ZNF738: variants seen among roughly 807,000 people sequenced by gnomAD.
ZNF738 encodes zinc finger protein 738.
Under a neutral mutation model 9.2 loss-of-function variants are expected in ZNF738, and 10 were observed. The observed-to-expected ratio is 1.09, with a 90% confidence interval of 0.67 to 1.85. ZNF738 has a LOEUF of 1.85. Among genes scored for constraint, ZNF738 ranks in the 40% most tolerant of loss-of-function variants. The pLI, the probability that ZNF738 is intolerant of heterozygous loss-of-function variation, is 0.00. For missense variants in ZNF738, 346 were observed against 283.6 expected (o/e 1.22, Z -1.58); for synonymous variants, 113 against 94.5 (o/e 1.20, Z -1.14).
chr19:21,373,413 A>C (rs1973881729), intron 2 of ZNF738, among the ~76,000 whole-genome samples: 1 of 152,204 alleles, frequency 6.6e-6, no homozygotes, highest in African/African-American at 2.4e-5. Flanking sequence ...TTGCACTAAA[A>C]GGTAGTCACA....
In ZNF738 at chr19:21,385,177, C is replaced by T. The variant is rs941484394; in HGVS notation, c.*1503C>T. Among the ~76,000 whole-genome samples, 4 of 152,150 alleles carry T rather than the reference C, an allele frequency of 2.6e-5. No individual in the cohort carries two copies. Among genetic ancestry groups the T allele is most frequent in the Non-Finnish European group, 4.4e-5 (3 of 68,034 alleles). On this transcript the variant is annotated 3_prime_UTR_variant, in exon 5 of 5. Coordinates refer to ENST00000683779, the MANE Select transcript of ZNF738 (RefSeq NM_001355237.2). ...CCTTACTAAAGATAAAAGAGTTTGA[C>T]TGGGTGCGGTGGCTCATGCCTGTAA...
At chr19:21,366,046 C>T (rs1486407361) in intron 2 of ZNF738, among the ~76,000 whole-genome samples, 2 of 152,124 alleles carry the variant, frequency 1.3e-5, no homozygotes, top group African/African-American at 4.8e-5. Flanking sequence ...CAAGTTCAGG[C>T]AGCCGCTTCT....
In ZNF738 at chr19:21,359,350, C is replaced by T. The variant is rs147789507; in HGVS notation, c.3+207C>T. On this transcript the variant is annotated intron_variant, in intron 1 of 4. Transcript: ENST00000683779. ...GGCCCCCGGGCGTCCTGTCTCTTCC[C>T]TGCATAGTGACTGTGCCCTTGCCTG... 5.9e-5 allele frequency among the ~76,000 whole-genome samples: 9 copies of T among 152,348 alleles called. No homozygotes were observed. The East Asian group carries it at 1.6e-3, about 26-fold the overall frequency.
At chr19:21,374,166 G>T (rs1455695302) in intron 2 of ZNF738, among the ~76,000 whole-genome samples, 1 of 152,128 alleles carries the variant, frequency 6.6e-6, no homozygotes, top group African/African-American at 2.4e-5. Flanking sequence ...GGTTTCATAT[G>T]TGTTCTTCAT....
Position 21,384,497 on chromosome 19 carries a change from C to T in ZNF738, c.*823C>T, listed in dbSNP as rs910273480. Among the ~76,000 whole-genome samples the T allele has an allele frequency of 2.0e-5, 3 of 152,070 alleles. No individual in the cohort carries two copies. The highest frequency in any genetic ancestry group is 4.4e-5 in the Non-Finnish European group (3 of 68,014). ...AGATGATTCATACTGGAGAGAGACC[C>T]TACAAACATGAAGAAAGTGGCAAAG... is the stretch of plus-strand genomic sequence containing the variant. On this transcript the variant is annotated 3_prime_UTR_variant, in exon 5 of 5. Transcript: ENST00000683779.
At chr19:21,375,992 CAT>C in intron 4 of ZNF738, 28 bp downstream of exon 4, 1 of 697,910 alleles carries the variant, frequency 1.4e-6, no homozygotes, top group Non-Finnish European at 2.6e-6. Context: ...AAACAGTTGA[CAT>C]AGATGAAAGG....
chr19:21,359,704 C>A (rs375473660), intron 1 of ZNF738, among the ~76,000 whole-genome samples: 83 of 152,130 alleles, frequency 5.5e-4, no homozygotes, highest in African/African-American at 1.9e-3. Flanking sequence ...GGTGAAACCC[C>A]GTCTCTACTA....
chr19:21,375,752 G>A (rs1407932483), intron 3 of ZNF738, 117 bp from the exon 4 acceptor site: 1 of 508,956 alleles, frequency 2.0e-6, no homozygotes, highest in South Asian at 3.1e-5. Flanking sequence ...TCATTAAATA[G>A]TATTTTGGGA....
chr19:21,367,576 C>T lies in ZNF738; in HGVS notation c.96+5718C>T, dbSNP rs111948895. On this transcript the variant is annotated intron_variant, in intron 2 of 4. Coordinates refer to ENST00000683779, the MANE Select transcript of ZNF738 (RefSeq NM_001355237.2). ...GGTGCCAGAAGAAAGATATCACAGA[C>T]GCCTGGCCTGCAGTGGAACTCCAGG... 5.6e-3 allele frequency among the ~76,000 whole-genome samples: 847 copies of T among 152,256 alleles called. 9 individuals carry two copies. Among genetic ancestry groups the T allele is most frequent in the African/African-American group, 0.019 (792 of 41,544 alleles).
At chr19:21,374,901 A>G (rs139347807) in intron 2 of ZNF738, among the ~76,000 whole-genome samples, 7 of 152,298 alleles carry the variant, frequency 4.6e-5, no homozygotes, top group African/African-American at 7.2e-5. Flanking sequence ...CTAACTCAAC[A>G]TGTCATTTTT....
rs1193480128 is a variant in ZNF738 at position 21,385,762 on chromosome 19, C to A, written c.*2088C>A. On this transcript the variant is annotated 3_prime_UTR_variant, in exon 5 of 5. Coordinates refer to ENST00000683779, the MANE Select transcript of ZNF738 (RefSeq NM_001355237.2). ...TAAGGTAATTCATGCTGGAGAGATACCCTACAAATGTGAAGAATGTGGCAA... is the reference window on the plus strand; with the variant it reads ...TAAGGTAATTCATGCTGGAGAGATAACCTACAAATGTGAAGAATGTGGCAA... 2.0e-5 allele frequency among the ~76,000 whole-genome samples: 3 copies of A among 152,042 alleles called. No individual in the cohort carries two copies. Among genetic ancestry groups the A allele is most frequent in the Non-Finnish European group, 4.4e-5 (3 of 67,998 alleles).
rs569044915 is a variant in ZNF738 at position 21,373,766 on chromosome 19, A to G, written c.97-1472A>G. Among the ~76,000 whole-genome samples the G allele has an allele frequency of 5.5e-5, 8 of 144,336 alleles. No individual in the cohort carries two copies. In the South Asian group the frequency reaches 1.6e-3, roughly 29 times the overall value. 94.7% of individuals were successfully genotyped at this position (144,336 alleles called of 152,430 possible). A position where few individuals can be genotyped will look rare whatever the true frequency, so the allele number is the denominator to read the frequency against. On this transcript the variant is annotated intron_variant, in intron 2 of 4. Transcript: ENST00000683779. ...AAAGCATTTCCAAAGAAGACAAAAGAGGAAAAATGGCTTTTTTTTTTTTTT... is the reference window on the plus strand; with the variant it reads ...AAAGCATTTCCAAAGAAGACAAAAGGGGAAAAATGGCTTTTTTTTTTTTTT...
Position 21,383,090 on chromosome 19 carries a change from G to A in ZNF738, c.544G>A (p.Val182Met). The A allele has an allele frequency of 7.2e-7, 1 of 1,388,082 alleles. No individual in the cohort carries two copies. The highest frequency in any genetic ancestry group is 1.0e-6 in the Non-Finnish European group (1 of 979,292). The allele number at this position is 1,388,082 out of a possible 1,614,324, so 86.0% of individuals were successfully genotyped here. Reference sequence around the variant, plus strand: ...CAAAATATTTCAATGTGATAAATATGTGAAAGTCTTTCATAAATTTTTAAA... The same window carrying A: ...CAAAATATTTCAATGTGATAAATATATGAAAGTCTTTCATAAATTTTTAAA... ...QSKIFQCDKY[V>M]KVFHKFLNSN... Residue 182 changes from valine (V) to methionine (M), a missense_variant, in exon 5 of 5, where the codon GTG becomes ATG. Val to Met is a conservative substitution (Grantham distance 21). Transcript: ENST00000683779.
At chr19:21,362,642 A>T in intron 2 of ZNF738, among the ~76,000 whole-genome samples, 1 of 152,190 alleles carries the variant, frequency 6.6e-6, no homozygotes, top group Admixed American at 6.5e-5. Flanking sequence ...GTTACATTAT[A>T]TTAGTAGGGC....
intron 4 of ZNF738, among the ~76,000 whole-genome samples, chr19:21,380,794 A>G (rs1973993493): frequency 6.6e-6 from 1 of 152,154 alleles, no homozygotes; most frequent in East Asian, 1.9e-4. Context: ...ATGCACCACC[A>G]TGTTACTACC....
At chr19:21,381,253 C>T (rs1974000148) in intron 4 of ZNF738, 3 of 1,588,618 alleles carry the variant, frequency 1.9e-6, no homozygotes, top group South Asian at 1.1e-5. Flanking sequence ...AGCCACACGT[C>T]CCTTTGATGT....
chr19:21,380,790 CACCATGTTACTACCAGCAGTCAGG>C (rs1973993464), intron 4 of ZNF738, among the ~76,000 whole-genome samples: 1 of 151,976 alleles, frequency 6.6e-6, no homozygotes, highest in Non-Finnish European at 1.5e-5. Flanking sequence ...AACAATGCAC[CACCATGTTACTACCAGCAGTCAGG>C]ACGTCCTGTC....
intron 1 of ZNF738, among the ~76,000 whole-genome samples, chr19:21,359,877 C>CAA: frequency 6.7e-6 from 1 of 148,650 alleles, no homozygotes; most frequent in East Asian, 2.0e-4. Flanking sequence ...ACTCTTGTCT[C>CAA]AAAAAAAAAA....
intron 2 of ZNF738, among the ~76,000 whole-genome samples, chr19:21,371,124 G>A (rs549512934): frequency 9.2e-5 from 14 of 152,250 alleles, no homozygotes; most frequent in East Asian, 3.9e-4. Context: ...TATACCTACC[G>A]GTAATTGTGA....
Sources: gnomAD v4.1 joint callset for allele counts (sites outside exome capture counted in the v4.1 genomes callset) on GRCh38, gnomAD v4.1.1 for gene constraint, MANE v1.5 for transcripts, NCBI Gene and HGNC (gene_info 2026-07-23, HGNC 2026-07-21) for gene names.